The following PCLO variants were observed in gnomAD, a reference collection of about 807,000 sequenced individuals.
The protein encoded by PCLO is protein piccolo.
Under a neutral mutation model 427.5 loss-of-function variants are expected in PCLO, and 82 were observed. That is an observed-to-expected ratio of 0.19 (90% CI 0.16 to 0.23). PCLO has a LOEUF of 0.23. Ranked by LOEUF, PCLO falls within the 10% of genes least tolerant of loss-of-function variation. The probability of loss-of-function intolerance (pLI) is 1.00; values close to 1 mark genes in which losing one functional copy is unlikely to be tolerated. For missense variants in PCLO, 6,239 were observed against 6,115.9 expected, an observed-to-expected ratio of 1.02 and a Z score of -0.67; for synonymous variants, 2,357 against 2,155.4, an observed-to-expected ratio of 1.09 and a Z score of -2.59.
At position 82,834,507 on chromosome 7, in the gene PCLO, T is replaced by C. The variant is rs1456903322; in HGVS notation, c.14249+1160A>G. Among the ~76,000 whole-genome samples the C allele has an allele frequency of 2.0e-5, 3 of 152,336 alleles. No individual in the cohort carries two copies. The East Asian group carries it at 5.8e-4, about 29-fold the overall frequency. On this transcript the variant is annotated intron_variant, in intron 16 of 24. Coordinates refer to ENST00000333891, the MANE Select transcript of PCLO (RefSeq NM_033026.6). ...CTTTTAAAAATCAGAAACAGCCTCATTTGGGAAACAGTTCATTCGTAGTAA... is the reference window on the plus strand; with the variant it reads ...CTTTTAAAAATCAGAAACAGCCTCACTTGGGAAACAGTTCATTCGTAGTAA...
Position 82,953,082 on chromosome 7 carries a change from G to A in PCLO, c.7871C>T (p.Pro2624Leu). 1.2e-6 allele frequency: 2 copies of A among 1,613,942 alleles called. No homozygotes were observed. The highest frequency in any genetic ancestry group is 1.1e-5 in the South Asian group (1 of 91,090). The change falls in exon 5 of 25, where the codon CCT becomes CTT. Residue 2624 changes from proline to leucine, a missense_variant. Physicochemically the swap from Pro to Leu is moderately conservative, Grantham distance 98. This residue lies in a region of PCLO where 4,677 missense variants were observed against 4,468.4 expected (regional missense o/e 1.05). Coordinates refer to ENST00000333891, the MANE Select transcript of PCLO (RefSeq NM_033026.6). ...VSVEPVFSVV[P>L]PVTAVEIPIS... ...TGGAATTTCTACAGCTGTCACAGGA[G>A]GAACTACAGAAAACACAGGTTCAAC... is the stretch of plus-strand genomic sequence containing the variant.
chr7:82,893,712 G>A (rs1028713938), intron 9 of PCLO, among the ~76,000 whole-genome samples: 4 of 151,760 alleles, frequency 2.6e-5, no homozygotes, highest in African/African-American at 9.7e-5. Flanking sequence ...AAACTTAATG[G>A]ACTCATTTAT....
At chr7:82,940,324 G>C (rs184070696) in intron 6 of PCLO, among the ~76,000 whole-genome samples, 1 of 152,166 alleles carries the variant, frequency 6.6e-6, no homozygotes, top group Middle Eastern at 3.4e-3. Flanking sequence ...ATAAATTTAT[G>C]CACATTTATT....
At chr7:82,776,275 TA>T (rs1245673044) in intron 22 of PCLO, among the ~76,000 whole-genome samples, 4 of 152,176 alleles carry the variant, frequency 2.6e-5, no homozygotes, top group Non-Finnish European at 5.9e-5. Flanking sequence ...ATCTATCCAA[TA>T]CGCAAAATAA....
chr7:83,085,539 C>T (rs1408483722), intron 3 of PCLO, among the ~76,000 whole-genome samples: 2 of 152,084 alleles, frequency 1.3e-5, no homozygotes. Context: ...GCTCAGTCTC[C>T]CTTATTTCCA....
intron 6 of PCLO, among the ~76,000 whole-genome samples, chr7:82,938,386 A>AGG (rs929471786): frequency 2.6e-4 from 40 of 151,780 alleles, no homozygotes; most frequent in African/African-American, 9.4e-4. Context: ...TCAACATTAT[A>AGG]TTTTCTTGGT....
rs1795386293 is a variant in PCLO, at chr7:82,952,636, G to A, written c.8317C>T (p.Pro2773Ser). 1 of 1,613,886 alleles carries A rather than the reference G, an allele frequency of 6.2e-7. No individual in the cohort carries two copies. ...VYGKQISAVQ[P>S]SIINLSVTSS... Reference sequence around the variant, plus strand: ...GTCACACTAAGATTTATAATAGAGGGTTGGACAGCACTAATTTGTTTCCCA... The same window carrying A: ...GTCACACTAAGATTTATAATAGAGGATTGGACAGCACTAATTTGTTTCCCA... The change falls in exon 5 of 25, where the codon CCC (proline) becomes TCC (serine). Residue 2773 changes from proline to serine, a missense_variant. By Grantham distance (74) the Pro-to-Ser change is moderately conservative. Coordinates refer to ENST00000333891, the MANE Select transcript of PCLO (RefSeq NM_033026.6).
intron 3 of PCLO, among the ~76,000 whole-genome samples, chr7:83,069,799 C>CCACACACACACACACACACA (rs68086847): frequency 2.5e-4 from 19 of 75,512 alleles, no homozygotes; most frequent in South Asian, 6.0e-4. Flanking sequence ...ACCCCCCCGC[C>CCACACACACACACACACACA]CACACACACA....
At chr7:82,988,826 AT>A (rs1301780855) in intron 3 of PCLO, among the ~76,000 whole-genome samples, 1 of 150,174 alleles carries the variant, frequency 6.7e-6, no homozygotes, top group Non-Finnish European at 1.5e-5. Context: ...TTTATTTTTT[AT>A]TTTTTTATTT....
intron 3 of PCLO, among the ~76,000 whole-genome samples, chr7:83,057,378 TTG>T (rs1287252697): frequency 9.7e-6 from 1 of 103,360 alleles, no homozygotes; most frequent in African/African-American, 4.4e-5. Flanking sequence ...TTTTTTTTTT[TTG>T]AGGCAGAGTC....
chr7:83,156,462 CA>C (rs761710260), intron 1 of PCLO, 70 bp from the exon 2 acceptor site: 3 of 993,678 alleles, frequency 3.0e-6, no homozygotes, highest in East Asian at 5.3e-5. Flanking sequence ...CAAAGTAATA[CA>C]AAAAACCTAT....
At chr7:83,078,715 A>G (rs929711611) in intron 3 of PCLO, among the ~76,000 whole-genome samples, 5 of 151,966 alleles carry the variant, frequency 3.3e-5, no homozygotes, top group African/African-American at 9.7e-5. Flanking sequence ...GTATTTTAGT[A>G]GAGACGGGGT....
chr7:83,076,652 T>A (rs56012160), intron 3 of PCLO, among the ~76,000 whole-genome samples: 13,242 of 149,572 alleles, frequency 0.089, 755 homozygotes, highest in East Asian at 0.17. Flanking sequence ...AGTTTTTTTT[T>A]ATTATACTTT....
chr7:82,883,742 A>G (rs186489977), intron 9 of PCLO, among the ~76,000 whole-genome samples: 446 of 152,176 alleles, frequency 2.9e-3, no homozygotes, highest in Non-Finnish European at 4.7e-3. Context: ...ATTGCTGTTC[A>G]GCATCCTTTT....
At chr7:82,834,556 G>A (rs962804170) in intron 16 of PCLO, among the ~76,000 whole-genome samples, 1 of 152,122 alleles carries the variant, frequency 6.6e-6, no homozygotes, top group African/African-American at 2.4e-5. Flanking sequence ...TAATGTCATA[G>A]ACAAAAACGA....
intron 3 of PCLO, among the ~76,000 whole-genome samples, chr7:82,985,974 T>C (rs1240401028): frequency 6.6e-6 from 1 of 151,992 alleles, no homozygotes; most frequent in Non-Finnish European, 1.5e-5. Context: ...AGAGAAAATA[T>C]ATCCAATAAA....
chr7:83,161,018 A>G (rs924530706), intron 1 of PCLO, among the ~76,000 whole-genome samples: 1 of 152,190 alleles, frequency 6.6e-6, no homozygotes, highest in South Asian at 2.1e-4. Context: ...AAATAGCCCC[A>G]TGGATTACTA....
At position 82,841,450 on chromosome 7, in the gene PCLO, A is replaced by G. The variant is rs762565096; in HGVS notation, c.14097+9T>C. The G allele has an allele frequency of 1.3e-6, 2 of 1,588,152 alleles. No homozygotes were observed. Among genetic ancestry groups the G allele is most frequent in the Non-Finnish European group, 1.7e-6 (2 of 1,157,720 alleles). On this transcript the variant is annotated intron_variant, in intron 14 of 24. Coordinates refer to ENST00000333891, the MANE Select transcript of PCLO (RefSeq NM_033026.6). ...TTATATAATGGCGACTTTTTAAAAA[A>G]CTTCATACCTGAATTTCTCCTGTAA...
At chr7:83,110,286 C>T (rs1159330764) in intron 3 of PCLO, among the ~76,000 whole-genome samples, 1 of 151,878 alleles carries the variant, frequency 6.6e-6, no homozygotes, top group East Asian at 1.9e-4. Context: ...GATCCGAGAA[C>T]ACAGATGCTC....
Sources: gnomAD v4.1 joint callset for allele counts (sites outside exome capture counted in the v4.1 genomes callset) on GRCh38, gnomAD v4.1.1 for gene constraint, gnomAD v4.1.1 regional missense constraint, MANE v1.5 for transcripts, NCBI Gene and HGNC (gene_info 2026-07-23, HGNC 2026-07-21) for gene names.